The following UQCC2 variants were observed in gnomAD, a reference collection of about 807,000 sequenced individuals.
UQCC2 encodes ubiquinol-cytochrome c reductase complex assembly factor 2.
UQCC2 carries 21 observed loss-of-function variants against 19.9 expected under a neutral mutation model. That is an observed-to-expected ratio of 1.05 (90% CI 0.75 to 1.52). UQCC2 has a LOEUF of 1.52. Among genes scored for constraint, UQCC2 ranks in the 40% most tolerant of loss-of-function variants. The pLI, the probability that UQCC2 is intolerant of heterozygous loss-of-function variation, is 0.00. For synonymous variants in UQCC2, 57 were observed against 60.9 expected (o/e 0.94, Z 0.30); for missense variants, 135 against 157.5 (o/e 0.86, Z 0.76).
rs575310625 is a variant in UQCC2, at chr6:33,703,350, A to G, written c.139-1930T>C. ...AGCTAATTTTGTGTATTTTTAGCAGAGACAGGCTTTCACCATGTTGGCCAG... is the reference window on the plus strand; with the variant it reads ...AGCTAATTTTGTGTATTTTTAGCAGGGACAGGCTTTCACCATGTTGGCCAG... On this transcript the variant is annotated intron_variant, in intron 1 of 3. Coordinates refer to ENST00000607484, the MANE Select transcript of UQCC2 (RefSeq NM_032340.4). 7.5e-3 allele frequency among the ~76,000 whole-genome samples: 1,149 copies of G among 152,272 alleles called. 8 individuals are homozygous for G. Among genetic ancestry groups the G allele is most frequent in the Non-Finnish European group, 0.012 (811 of 68,020 alleles).
intron 1 of UQCC2, among the ~76,000 whole-genome samples, chr6:33,711,188 T>C (rs996979257): frequency 6.6e-6 from 1 of 152,160 alleles, no homozygotes; most frequent in African/African-American, 2.4e-5. Flanking sequence ...TTTTTGTTTG[T>C]TTTTTGATTT....
Position 33,711,664 on chromosome 6 carries a change from C to G in UQCC2, c.23G>C (p.Arg8Pro), listed in dbSNP as rs1373387327. The change falls in exon 1 of 4, where the codon CGT becomes CCT. Residue 8 changes from arginine (R) to proline (P), a missense_variant. Physicochemically the swap from Arg to Pro is moderately radical, Grantham distance 103. Transcript: ENST00000607484. ...CCATTCCTCACAGAGCTTAAGAAAACGCCGGTACCGGCTGGCCGCCATCTT... is the reference window on the plus strand; with the variant it reads ...CCATTCCTCACAGAGCTTAAGAAAAGGCCGGTACCGGCTGGCCGCCATCTT... MAASRYRRFLKLCEEWPV... is the reference protein window; with the variant it reads MAASRYRPFLKLCEEWPV... 2 of 1,612,228 alleles carry G rather than the reference C, an allele frequency of 1.2e-6. No individual in the cohort carries two copies. Among genetic ancestry groups the G allele is most frequent in the South Asian group, 1.1e-5 (1 of 90,896 alleles).
In UQCC2 at chr6:33,707,801, GCT is replaced by G. The variant is rs1230000876; in HGVS notation, c.138+3746_138+3747del. 1.2e-4 allele frequency among the ~76,000 whole-genome samples: 19 copies of G among 152,292 alleles called. No homozygotes were observed. The East Asian group carries it at 3.5e-3, about 28-fold the overall frequency. On this transcript the variant is annotated intron_variant, in intron 1 of 3. Coordinates refer to ENST00000607484, the MANE Select transcript of UQCC2 (RefSeq NM_032340.4). ...CCCCACGTTGCAATTCTTTTATTAA[GCT>G]CTCAGCGCTGTAGGAAACACGTGTT...
chr6:33,706,453 A>G (rs1465787389), intron 1 of UQCC2, among the ~76,000 whole-genome samples: 1 of 152,216 alleles, frequency 6.6e-6, no homozygotes, highest in Non-Finnish European at 1.5e-5. Flanking sequence ...GACAAGATAC[A>G]CATGAATTAG....
chr6:33,708,656 T>C (rs1166270811), intron 1 of UQCC2, among the ~76,000 whole-genome samples: 1 of 152,144 alleles, frequency 6.6e-6, no homozygotes, highest in Admixed American at 6.5e-5. Context: ...AAGGAGGAGC[T>C]CCATACTAGT....
chr6:33,709,463 G>A (rs1412480954), intron 1 of UQCC2, among the ~76,000 whole-genome samples: 1 of 119,772 alleles, frequency 8.3e-6, no homozygotes, highest in Non-Finnish European at 1.8e-5. Context: ...GGGAGAGAGG[G>A]AAAGATAAAA....
chr6:33,697,751 C>T lies in UQCC2; in HGVS notation c.284-1G>A. 1.9e-6 allele frequency: 3 copies of T among 1,612,296 alleles called. No homozygotes were observed. Among genetic ancestry groups the T allele is most frequent in the Non-Finnish European group, 2.5e-6 (3 of 1,179,296 alleles). On this transcript the variant is annotated splice_acceptor_variant, in intron 3 of 3. Coordinates refer to ENST00000607484, the MANE Select transcript of UQCC2 (RefSeq NM_032340.4). LOFTEE classifies it high-confidence loss of function. ...ATTTCCTTAAGCTCTTCCAAGGTGT[C>T]TGCAAAAGGGGAAGACAAAAAGAGA...
In UQCC2 at chr6:33,700,593, A is replaced by G. The variant is rs942643; in HGVS notation, c.214-80T>C. 704,748 of 1,490,980 alleles carry G rather than the reference A, an allele frequency of 0.47. 178,921 individuals are homozygous for G. Among genetic ancestry groups the G allele is most frequent in the East Asian group, 0.83 (36,695 of 44,142 alleles). The allele number at this position is 1,490,980 out of a possible 1,614,324, so 92.4% of individuals were successfully genotyped here. On this transcript the variant is annotated intron_variant, in intron 2 of 3. Transcript: ENST00000607484. ...CCTGCTCTCTAACTGCATTTCACCT[A>G]GGCCCTGGGCAACCAGAGGCCAGGA...
At position 33,699,930 on chromosome 6, in the gene UQCC2, C is replaced by T. The variant is rs117661371; in HGVS notation, c.283+514G>A. On this transcript the variant is annotated intron_variant, in intron 3 of 3. Coordinates refer to ENST00000607484, the MANE Select transcript of UQCC2 (RefSeq NM_032340.4). Reference sequence around the variant, plus strand: ...TGGAGATAGGGAAGTAAGGAAAGGACGGGCTTGGCAGGATGTTTCCTTTCT... The same window carrying T: ...TGGAGATAGGGAAGTAAGGAAAGGATGGGCTTGGCAGGATGTTTCCTTTCT... Among the ~76,000 whole-genome samples, 656 of 152,314 alleles carry T rather than the reference C, an allele frequency of 4.3e-3. 16 individuals are homozygous for T. The highest frequency in any genetic ancestry group is 0.031 in the East Asian group (162 of 5,188).
chr6:33,703,095 C>T (rs1765658849), intron 1 of UQCC2, among the ~76,000 whole-genome samples: 1 of 152,196 alleles, frequency 6.6e-6, no homozygotes. Flanking sequence ...CTGTGGTCTC[C>T]CTGCTGCTGG....
intron 3 of UQCC2, among the ~76,000 whole-genome samples, chr6:33,699,146 G>C (rs1161815932): frequency 6.6e-6 from 1 of 152,118 alleles, no homozygotes; most frequent in African/African-American, 2.4e-5. Flanking sequence ...GACTTGCCAG[G>C]CCCTCAAAGC....
chr6:33,707,303 C>G (rs1285023279), intron 1 of UQCC2, among the ~76,000 whole-genome samples: 1 of 152,202 alleles, frequency 6.6e-6, no homozygotes, highest in Non-Finnish European at 1.5e-5. Context: ...GGACACTCTT[C>G]AAAAGCATAA....
chr6:33,711,243 C>G (rs1031804839), intron 1 of UQCC2, among the ~76,000 whole-genome samples: 1 of 152,158 alleles, frequency 6.6e-6, no homozygotes, highest in Non-Finnish European at 1.5e-5. Context: ...TCATCCTGGG[C>G]TCAAGCGATC....
Position 33,711,584 on chromosome 6 carries a change from C to T in UQCC2, c.103G>A (p.Val35Ile), listed in dbSNP as rs1765773287. 7 of 1,613,960 alleles carry T rather than the reference C, an allele frequency of 4.3e-6. No homozygotes were observed. In the South Asian group the frequency reaches 6.6e-5, roughly 15 times the overall value. Residue 35 changes from valine to isoleucine, a missense_variant, in exon 1 of 4, where the codon GTA (valine) becomes ATA (isoleucine). Coordinates refer to ENST00000607484, the MANE Select transcript of UQCC2 (RefSeq NM_032340.4). ...TCTCCCTCCCGAAAGGCCTGTGCTACCCGCTGTCGCAGGTAAGCGCCCAAG... is the reference window on the plus strand; with the variant it reads ...TCTCCCTCCCGAAAGGCCTGTGCTATCCGCTGTCGCAGGTAAGCGCCCAAG... ...RDLGAYLRQR[V>I]AQAFREGENT...
At chr6:33,711,468 T>A (rs1330701872) in intron 1 of UQCC2, 81 bp downstream of exon 1, 1 of 1,496,032 alleles carries the variant, frequency 6.7e-7, no homozygotes, top group African/African-American at 1.4e-5. Flanking sequence ...CATGCGCAGA[T>A]CCCCCTGCTA....
chr6:33,704,393 T>G lies in UQCC2; in HGVS notation c.139-2973A>C, dbSNP rs143214184. On this transcript the variant is annotated intron_variant, in intron 1 of 3. Transcript: ENST00000607484. ...CCAGGTGGAGCCCGTGCCCAGGGAATGGGTCAGCATGTTACCAGTGGATCA... is the reference window on the plus strand; with the variant it reads ...CCAGGTGGAGCCCGTGCCCAGGGAAGGGGTCAGCATGTTACCAGTGGATCA... Among the ~76,000 whole-genome samples the G allele has an allele frequency of 2.7e-3, 405 of 152,264 alleles. 3 individuals are homozygous for G. Among genetic ancestry groups the G allele is most frequent in the African/African-American group, 7.2e-3 (298 of 41,538 alleles).
chr6:33,706,264 T>G (rs966733618), intron 1 of UQCC2, among the ~76,000 whole-genome samples: 1 of 152,204 alleles, frequency 6.6e-6, no homozygotes, highest in Non-Finnish European at 1.5e-5. Context: ...TTTTCAAGAC[T>G]TGGTAATGAA....
chr6:33,697,559 AC>A lies in UQCC2; in HGVS notation c.*93del. On this transcript the variant is annotated 3_prime_UTR_variant, in exon 4 of 4. Transcript: ENST00000607484. ...TGGGAAAGCTAGAGGAGATTCCCAA[AC>A]CGTAAGGTCAAGGGGAAACTGGGGC... 4.2e-6 allele frequency: 4 copies of A among 952,728 alleles called. No homozygotes were observed. In the South Asian group the frequency reaches 6.7e-5, roughly 16 times the overall value. 59.0% of individuals were successfully genotyped at this position (952,728 alleles called of 1,614,324 possible).
intron 1 of UQCC2, among the ~76,000 whole-genome samples, chr6:33,701,730 C>G (rs1321328769): frequency 6.6e-6 from 1 of 151,926 alleles, no homozygotes; most frequent in Non-Finnish European, 1.5e-5. Context: ...TGGGAGATGC[C>G]ACAATAGAAA....
Sources: gnomAD v4.1 joint callset for allele counts (sites outside exome capture counted in the v4.1 genomes callset) on GRCh38, gnomAD v4.1.1 for gene constraint, MANE v1.5 for transcripts, NCBI Gene and HGNC (gene_info 2026-07-23, HGNC 2026-07-21) for gene names.